Variants in SMARCB1 observed in about 807,000 individuals in gnomAD.
The protein encoded by SMARCB1 is SWI/SNF related BAF chromatin remodeling complex subunit B1, also known as SWI/SNF-related matrix-associated actin-dependent regulator of chromatin subfamily B member 1.
A neutral mutation model predicts 49.0 loss-of-function variants in SMARCB1; 5 were observed. That is an observed-to-expected ratio of 0.10 (90% confidence interval 0.05 to 0.21). The LOEUF (loss-of-function observed/expected upper bound fraction) is 0.21. Ranked by LOEUF, SMARCB1 falls within the 10% of genes least tolerant of loss-of-function variation. SMARCB1 has a pLI of 1.00. For synonymous variants in SMARCB1, 201 were observed against 200.1 expected (o/e 1.00, Z -0.04); for missense variants, 226 against 509.2 (o/e 0.44, Z 5.35).
At chr22:23,801,762 A>C in intron 4 of SMARCB1, 1 of 215,518 alleles carries the variant, frequency 4.6e-6, no homozygotes, top group East Asian at 1.1e-4. Context: ...TCTTTCACTT[A>C]ATCGTATCTT....
intron 3 of SMARCB1, 21 bp downstream of exon 3, chr22:23,793,709 G>A (rs752238486): frequency 6.2e-7 from 1 of 1,613,500 alleles, no homozygotes; most frequent in South Asian, 1.1e-5. Context: ...CCTGGCCAGG[G>A]CATCTCTGGG....
rs948927452 is a variant in SMARCB1 at position 23,836,442 on chromosome 22, C to T, written c.*2262C>T. ...CCAGCAGCCGAAATCTGGTGAACTT[C>T]CCCGCTGACTGGCAGGTAGCAGAGG... On this transcript the variant is annotated 3_prime_UTR_variant, in exon 9 of 9. Transcript: ENST00000644036. 13 of 990,342 alleles carry T rather than the reference C, an allele frequency of 1.3e-5. No individual in the cohort carries two copies. The highest frequency in any genetic ancestry group is 1.6e-5 in the Non-Finnish European group (13 of 833,442). The allele number at this position is 990,342 out of a possible 1,614,324, so 61.3% of individuals were successfully genotyped here.
intron 3 of SMARCB1, 60 bp from the exon 4 acceptor site, chr22:23,800,884 C>A: frequency 7.8e-7 from 1 of 1,275,560 alleles, no homozygotes. Flanking sequence ...TTAGTTGATT[C>A]CTGGTGGGCA....
chr22:23,794,431 C>G (rs1928615017), intron 3 of SMARCB1, among the ~76,000 whole-genome samples: 1 of 152,056 alleles, frequency 6.6e-6, no homozygotes, highest in South Asian at 2.1e-4. Flanking sequence ...GTTTGTAATC[C>G]CAGCGCTTTG....
intron 1 of SMARCB1, among the ~76,000 whole-genome samples, chr22:23,789,056 T>G (rs1928200387): frequency 1.3e-5 from 2 of 152,044 alleles, no homozygotes; most frequent in African/African-American, 4.8e-5. Context: ...TACCATATTG[T>G]CCAGGCTGGT....
chr22:23,834,182 C>G lies in SMARCB1; in HGVS notation c.*2C>G, dbSNP rs752842718. The G allele has an allele frequency of 2.5e-6, 4 of 1,588,014 alleles. No individual in the cohort carries two copies. Among genetic ancestry groups the G allele is most frequent in the Non-Finnish European group, 3.4e-6 (4 of 1,167,328 alleles). On this transcript the variant is annotated 3_prime_UTR_variant, in exon 9 of 9. Transcript: ENST00000644036. The stretch of plus-strand genomic sequence containing the variant: ...GCCAACACGGCCCCGGCCTGGTAAC[C>G]AGCCCATCAGCACACGGCTCCCACG...
At chr22:23,824,876 G>A (rs985803587) in intron 6 of SMARCB1, 1 of 400,410 alleles carries the variant, frequency 2.5e-6, no homozygotes, top group South Asian at 2.4e-5. Context: ...GTGTAGTCAC[G>A]TAAGACCGAT....
At chr22:23,799,778 G>A (rs184604083) in intron 3 of SMARCB1, among the ~76,000 whole-genome samples, 1 of 146,414 alleles carries the variant, frequency 6.8e-6, no homozygotes, top group African/African-American at 2.6e-5. Flanking sequence ...TCTGCCTCCC[G>A]GGTTCACGCC....
chr22:23,794,232 G>A (rs1229860078), intron 3 of SMARCB1, among the ~76,000 whole-genome samples: 6 of 152,204 alleles, frequency 3.9e-5, no homozygotes, highest in African/African-American at 7.2e-5. Context: ...GTGAGCCACC[G>A]CGCCCGGTCC....
In SMARCB1 at chr22:23,816,473, T is replaced by C. The variant is rs1344909736; in HGVS notation, c.629-297T>C. On this transcript the variant is annotated intron_variant, in intron 5 of 8. Coordinates refer to ENST00000644036, the MANE Select transcript of SMARCB1 (RefSeq NM_003073.5). ...TGCTGGCCTCGCCTGGATCATCTCATTAGTTGGGATAATCTCATGCGCCCA... is the reference window on the plus strand; with the variant it reads ...TGCTGGCCTCGCCTGGATCATCTCACTAGTTGGGATAATCTCATGCGCCCA... 2.3e-5 allele frequency: 13 copies of C among 555,090 alleles called. No homozygotes were observed. The East Asian group carries it at 4.0e-4, about 17-fold the overall frequency. The allele number at this position is 555,090 out of a possible 1,614,324, so 34.4% of individuals were successfully genotyped here.
Position 23,836,127 on chromosome 22 carries a change from C to T in SMARCB1, c.*1947C>T. The T allele has an allele frequency of 2.0e-6, 2 of 985,436 alleles. No individual in the cohort carries two copies. Among genetic ancestry groups the T allele is most frequent in the Non-Finnish European group, 2.4e-6 (2 of 829,942 alleles). The allele number at this position is 985,436 out of a possible 1,614,324, so 61.0% of individuals were successfully genotyped here. ...CACACACGTCCTCAGCTAAAAAGGG[C>T]AGGAACAGAACCTTCCAGAAGTCCC... On this transcript the variant is annotated 3_prime_UTR_variant, in exon 9 of 9. Transcript: ENST00000644036.
rs113252492 is a variant in SMARCB1, at chr22:23,803,993, C to T, written c.628+571C>T. 75 of 163,038 alleles carry T rather than the reference C, an allele frequency of 4.6e-4. 1 individual carries two copies. In the South Asian group the frequency reaches 0.011, roughly 24 times the overall value. The allele number at this position is 163,038 out of a possible 1,614,324, so 10.1% of individuals were successfully genotyped here. A position where few individuals can be genotyped will look rare whatever the true frequency, so the allele number is the denominator to read the frequency against. On this transcript the variant is annotated intron_variant, in intron 5 of 8. Transcript: ENST00000644036. ...CAGGTGTCTAGACTGCTTATCCCAT[C>T]TGGGAGGGTGGATCATGCATGCATT...
chr22:23,787,182 G>T lies in SMARCB1; in HGVS notation c.13G>T (p.Ala5Ser). 2 of 1,607,972 alleles carry T rather than the reference G, an allele frequency of 1.2e-6. No homozygotes were observed. The highest frequency in any genetic ancestry group is 2.2e-5 in the South Asian group (2 of 90,664). The change falls in exon 1 of 9, where the codon GCG (alanine) becomes TCG (serine). Residue 5 changes from alanine (A) to serine (S), a missense_variant. Physicochemically the swap from Ala to Ser is moderately conservative, Grantham distance 99. Coordinates refer to ENST00000644036, the MANE Select transcript of SMARCB1 (RefSeq NM_003073.5). Reference sequence around the variant, plus strand: ...CTCTGCCGCCGCAATGATGATGATGGCGCTGAGCAAGACCTTCGGGCAGAA... The same window carrying T: ...CTCTGCCGCCGCAATGATGATGATGTCGCTGAGCAAGACCTTCGGGCAGAA... MMMM[A>S]LSKTFGQKPV...
chr22:23,802,972 T>C (rs903615260), intron 4 of SMARCB1: 3 of 442,724 alleles, frequency 6.8e-6, no homozygotes, highest in Admixed American at 6.9e-5. Context: ...CCCTTCTCCT[T>C]TCCCATAGCC....
Position 23,796,878 on chromosome 22 carries a change from CTCAG to C in SMARCB1, c.362+3195_362+3198del, listed in dbSNP as rs1393960070. The stretch of plus-strand genomic sequence containing the variant: ...AGTGGCTTTGGCTGGCTCCACACTA[CTCAG>C]TCAGCCCAATAAGGGGACTTATGGC... On this transcript the variant is annotated intron_variant, in intron 3 of 8. Transcript: ENST00000644036. Among the ~76,000 whole-genome samples, 105 of 152,260 alleles carry C rather than the reference CTCAG, an allele frequency of 6.9e-4. 1 individual carries two copies. The highest frequency in any genetic ancestry group is 8.8e-5 in the Non-Finnish European group (6 of 68,016).
Position 23,811,332 on chromosome 22 carries a change from C to T in SMARCB1, c.629-5438C>T, listed in dbSNP as rs4622838. On this transcript the variant is annotated intron_variant, in intron 5 of 8. Transcript: ENST00000644036. ...ACCTCAGCATTCCTCTCTCAACAACCGATGGAACTGGATGGAAAATCAGCA... is the reference window on the plus strand; with the variant it reads ...ACCTCAGCATTCCTCTCTCAACAACTGATGGAACTGGATGGAAAATCAGCA... Among the ~76,000 whole-genome samples, 1,130 of 152,224 alleles carry T rather than the reference C, an allele frequency of 7.4e-3. 12 individuals carry two copies. Among genetic ancestry groups the T allele is most frequent in the African/African-American group, 0.025 (1,023 of 41,532 alleles).
intron 1 of SMARCB1, among the ~76,000 whole-genome samples, chr22:23,790,932 G>A (rs994045972): frequency 4.6e-5 from 7 of 152,164 alleles, no homozygotes; most frequent in African/African-American, 1.7e-4. Flanking sequence ...CATAATAGAA[G>A]TGGTCCTTCA....
chr22:23,805,881 G>A (rs910971191), intron 5 of SMARCB1, among the ~76,000 whole-genome samples: 5 of 152,112 alleles, frequency 3.3e-5, no homozygotes, highest in Admixed American at 2.0e-4. Context: ...GCTCTGTCTC[G>A]TTACCTTTCT....
intron 3 of SMARCB1, among the ~76,000 whole-genome samples, chr22:23,796,618 C>T (rs1928764597): frequency 6.6e-6 from 1 of 152,198 alleles, no homozygotes; most frequent in Non-Finnish European, 1.5e-5. Context: ...ATTCTTTTTC[C>T]CCCAAGGGAT....
Sources: allele counts gnomAD v4.1 joint callset (sites outside exome capture counted in the v4.1 genomes callset), GRCh38; gene constraint gnomAD v4.1.1; transcripts MANE v1.5; gene names NCBI Gene and HGNC (gene_info 2026-07-23, HGNC 2026-07-21).